Variants in PUDP observed in about 807,000 individuals in gnomAD.
PUDP encodes pseudouridine 5'-phosphatase, also known as pseudouridine-5'-phosphatase.
In PUDP, 8 loss-of-function variants were observed where a neutral mutation model predicts 9.4. That is an observed-to-expected ratio of 0.85 (90% CI 0.50 to 1.53). PUDP has a LOEUF of 1.53. Among genes scored for constraint, PUDP ranks in the 40% most tolerant of loss-of-function variants. The pLI, the probability that PUDP is intolerant of heterozygous loss-of-function variation, is 0.00. For missense variants in PUDP, 188 were observed against 189.7 expected (o/e 0.99, Z 0.05); for synonymous variants, 99 against 80.7 (o/e 1.23, Z -1.22).
intron 1 of PUDP, among the ~76,000 whole-genome samples, chrX:7,043,032 G>C (rs1294255953): frequency 1.8e-5 from 2 of 111,758 alleles, no homozygotes; most frequent in Non-Finnish European, 3.8e-5. Context: ...CATAAACAGT[G>C]GGAGACAAAC....
chrX:6,874,275 T>A (rs1175603930), intron 3 of PUDP, among the ~76,000 whole-genome samples: 2 of 112,309 alleles, frequency 1.8e-5, no homozygotes, highest in African/African-American at 6.5e-5. Context: ...CCACTTTATA[T>A]GAAAGCTGCT....
At chrX:7,120,963 T>C (rs991108732) in intron 1 of PUDP, among the ~76,000 whole-genome samples, 1 of 111,889 alleles carries the variant, frequency 8.9e-6, no homozygotes, top group Admixed American at 9.5e-5. Context: ...AGTGGTTCCT[T>C]TGGCATGGGG....
At chrX:6,938,556 C>T (rs767832927) in intron 3 of PUDP, among the ~76,000 whole-genome samples, 4 of 96,460 alleles carry the variant, frequency 4.1e-5, no homozygotes, top group South Asian at 5.5e-4. Context: ...GTGGGTGCAG[C>T]ACACCAGCAT....
At chrX:7,060,481 AG>A (rs755532635) in intron 3 of PUDP, among the ~76,000 whole-genome samples, 54 of 112,213 alleles carry the variant, frequency 4.8e-4, no homozygotes, top group African/African-American at 1.6e-3. Flanking sequence ...CCATTAAATG[AG>A]GAACTGGGGA....
intron 1 of PUDP, among the ~76,000 whole-genome samples, chrX:6,720,401 A>G (rs764654923): frequency 1.9e-3 from 202 of 104,237 alleles, no homozygotes; most frequent in Non-Finnish European, 3.4e-3. Flanking sequence ...ATTAAGCCAG[A>G]CAGAGAAAGA....
At chrX:6,734,508 C>G (rs773785939) in intron 3 of PUDP, among the ~76,000 whole-genome samples, 12 of 111,930 alleles carry the variant, frequency 1.1e-4, no homozygotes, top group Non-Finnish European at 1.7e-4. Flanking sequence ...TGGGCTGGCT[C>G]ACGCCTGTAA....
chrX:6,966,122 C>T (rs1436212691), intron 3 of PUDP, among the ~76,000 whole-genome samples: 1 of 110,980 alleles, frequency 9.0e-6, no homozygotes, highest in East Asian at 2.8e-4. Flanking sequence ...CTGTACTCTT[C>T]CAGGAAATGC....
chrX:7,039,049 C>T lies in PUDP; in HGVS notation c.204+38171G>A, dbSNP rs1156495632. 2.7e-5 allele frequency among the ~76,000 whole-genome samples: 3 copies of T among 111,023 alleles called. No homozygotes were observed. In the Admixed American group the frequency reaches 2.9e-4, roughly 11 times the overall value. On this transcript the variant is annotated intron_variant and NMD_transcript_variant, in intron 1 of 3. Transcript: ENST00000655425. The stretch of plus-strand genomic sequence containing the variant: ...GGCTCAAGTGATGCTCCTGCATCAG[C>T]CTCCTGAGTAGCTGGGACTACAGGT...
At chrX:6,714,039 A>C (rs1363991914) in intron 1 of PUDP, among the ~76,000 whole-genome samples, 2 of 110,434 alleles carry the variant, frequency 1.8e-5, no homozygotes, top group Non-Finnish European at 3.8e-5. Context: ...CTCCAGGCGC[A>C]CACCACCATA....
intron 3 of PUDP, among the ~76,000 whole-genome samples, chrX:6,878,006 T>C (rs1927291266): frequency 8.9e-6 from 1 of 112,195 alleles, no homozygotes; most frequent in African/African-American, 3.2e-5. Flanking sequence ...AGTTAGAAAC[T>C]GGAGTTGCAT....
intron 3 of PUDP, among the ~76,000 whole-genome samples, chrX:6,810,103 TGAG>T (rs1926118896): frequency 9.3e-6 from 1 of 107,054 alleles, no homozygotes; most frequent in Admixed American, 1.0e-4. Context: ...AAAAAAAATA[TGAG>T]GAGATCAGAA....
chrX:6,959,070 C>T (rs1928670174), intron 3 of PUDP, among the ~76,000 whole-genome samples: 1 of 111,735 alleles, frequency 8.9e-6, no homozygotes, highest in Non-Finnish European at 1.9e-5. Context: ...CTCAGCCTGG[C>T]TAGGAGGTCA....
intron 3 of PUDP, among the ~76,000 whole-genome samples, chrX:6,775,689 T>C (rs532656791): frequency 9.0e-6 from 1 of 111,059 alleles, no homozygotes; most frequent in Admixed American, 9.6e-5. Context: ...ATCTAGGTGA[T>C]GAGGGTGGAG....
chrX:7,001,926 AAAT>A (rs1283555036), intron 1 of PUDP, among the ~76,000 whole-genome samples: 3 of 111,819 alleles, frequency 2.7e-5, no homozygotes, highest in Admixed American at 9.5e-5. Flanking sequence ...AAATCAAATA[AAAT>A]AATAATCAAT....
intron 2 of PUDP, among the ~76,000 whole-genome samples, chrX:7,100,458 A>G (rs1488627790): frequency 1.8e-5 from 2 of 112,277 alleles, no homozygotes; most frequent in Non-Finnish European, 3.8e-5. Flanking sequence ...TCTTTTCTAA[A>G]GAGCTCAAGG....
intron 1 of PUDP, among the ~76,000 whole-genome samples, chrX:7,110,552 C>T (rs1442484422): frequency 9.0e-6 from 1 of 111,527 alleles, no homozygotes; most frequent in Non-Finnish European, 1.9e-5. Flanking sequence ...GCTGTGTCCC[C>T]ACCTAAATCT....
chrX:6,825,737 CCTT>C (rs920828047), intron 3 of PUDP, among the ~76,000 whole-genome samples: 2 of 110,839 alleles, frequency 1.8e-5, no homozygotes, highest in Non-Finnish European at 3.8e-5. Flanking sequence ...CAGAGAATTC[CCTT>C]CTTGTCTCTC....
At chrX:6,779,345 A>G (rs1298981879) in intron 3 of PUDP, among the ~76,000 whole-genome samples, 1 of 112,151 alleles carries the variant, frequency 8.9e-6, no homozygotes, top group Non-Finnish European at 1.9e-5. Context: ...GCAGTGTGAA[A>G]GCAAAGCTTT....
intron 1 of PUDP, among the ~76,000 whole-genome samples, chrX:7,029,050 G>C (rs1408505736): frequency 1.8e-5 from 2 of 112,108 alleles, no homozygotes; most frequent in Admixed American, 1.9e-4. Context: ...TGTCCATTCT[G>C]CAGCCCTAGG....
Sources: gnomAD v4.1 joint callset for allele counts (sites outside exome capture counted in the v4.1 genomes callset) on GRCh38, gnomAD v4.1.1 for gene constraint, MANE v1.5 for transcripts, NCBI Gene and HGNC (gene_info 2026-07-23, HGNC 2026-07-21) for gene names.